The following DOCK9 variants were observed in gnomAD, a reference collection of about 807,000 sequenced individuals.
DOCK9 encodes the protein dedicator of cytokinesis 9, also known as dedicator of cytokinesis protein 9.
Under a neutral mutation model 263.3 loss-of-function variants are expected in DOCK9, and 89 were observed. The ratio of observed to expected loss-of-function variants is 0.34; its 90% confidence interval spans 0.28 to 0.40. The LOEUF is 0.40. Ranked by LOEUF, DOCK9 falls within the 10% of genes least tolerant of loss-of-function variation. DOCK9 has a pLI of 1.00. For missense variants in DOCK9, 2,140 were observed against 2,603.4 expected (o/e 0.82, Z 3.87); for synonymous variants, 976 against 973.1 (o/e 1.00, Z -0.06).
intron 15 of DOCK9, among the ~76,000 whole-genome samples, chr13:98,892,259 A>G (rs1170383139): frequency 6.6e-6 from 1 of 152,174 alleles, no homozygotes; most frequent in Non-Finnish European, 1.5e-5. Flanking sequence ...TGCTGACTCA[A>G]CAATTCCCAC....
chr13:98,871,410 G>T (rs376630901), intron 27 of DOCK9, among the ~76,000 whole-genome samples: 1 of 152,232 alleles, frequency 6.6e-6, no homozygotes, highest in African/African-American at 2.4e-5. Flanking sequence ...GCTGTTCAGT[G>T]ACTAGGCAAT....
In DOCK9 at chr13:98,883,228, A is replaced by ATGTTGTTGT. The variant is rs368231464; in HGVS notation, c.2470-106_2470-98dup. The ATGTTGTTGT allele has an allele frequency of 4.6e-4, 497 of 1,075,142 alleles. 1 individual carries two copies. Among genetic ancestry groups the ATGTTGTTGT allele is most frequent in the South Asian group, 1.7e-3 (107 of 62,164 alleles). The allele number at this position is 1,075,142 out of a possible 1,614,324, so 66.6% of individuals were successfully genotyped here. Reference sequence around the variant, plus strand: ...TTCTTGCAGCATGCTTTTTTGCTGTATGTTGTTGTTGTTGTTGTTGTTGTT... The same window carrying ATGTTGTTGT: ...TTCTTGCAGCATGCTTTTTTGCTGTATGTTGTTGTTGTTGTTGTTGTTGTTGTTGTTGTT... On this transcript the variant is annotated intron_variant, in intron 22 of 52. Transcript: ENST00000682017.
chr13:98,814,774 G>A (rs772310), intron 45 of DOCK9, among the ~76,000 whole-genome samples: 122,136 of 151,518 alleles, frequency 0.81, 49,693 homozygotes, highest in Non-Finnish European at 0.87. Context: ...CCCCATCTCT[G>A]TAAAAAATAC....
chr13:99,023,325 A>G (rs1280282119), intron 1 of DOCK9, among the ~76,000 whole-genome samples: 3 of 152,268 alleles, frequency 2.0e-5, no homozygotes, highest in African/African-American at 7.2e-5. Flanking sequence ...AATTTTACAT[A>G]TGCTACAACG....
chr13:99,008,234 A>ATTTTTTTT lies in DOCK9; in HGVS notation c.130-52691_130-52684dup, dbSNP rs398024127. Reference sequence around the variant, plus strand: ...TCTCTATATATATATATATATATATATTTTTTTTTTTTTTTGAGACGAAGT... The same window carrying ATTTTTTTT: ...TCTCTATATATATATATATATATATATTTTTTTTTTTTTTTTTTTTTTTGAGACGAAGT... On this transcript the variant is annotated intron_variant, in intron 1 of 32. Transcript: ENST00000427887. Among the ~76,000 whole-genome samples, 16 of 94,046 alleles carry ATTTTTTTT rather than the reference A, an allele frequency of 1.7e-4. No individual in the cohort carries two copies. In the South Asian group the frequency reaches 6.1e-3, roughly 36 times the overall value. The allele number at this position is 94,046 out of a possible 152,430, so 61.7% of individuals were successfully genotyped here.
At chr13:98,904,064 A>G (rs766401993) in intron 10 of DOCK9, among the ~76,000 whole-genome samples, 2 of 152,326 alleles carry the variant, frequency 1.3e-5, no homozygotes, top group African/African-American at 2.4e-5. Context: ...TTGTACAACA[A>G]TGAGAATGTA....
At chr13:98,842,663 A>G (rs1270703103) in intron 38 of DOCK9, among the ~76,000 whole-genome samples, 1 of 152,208 alleles carries the variant, frequency 6.6e-6, no homozygotes, top group Non-Finnish European at 1.5e-5. Context: ...ATATACACAT[A>G]TGCATGTTCA....
In DOCK9 at chr13:98,813,172, T is replaced by G. The variant is rs577732130; in HGVS notation, c.5131-2881A>C. Among the ~76,000 whole-genome samples, 210 of 152,324 alleles carry G rather than the reference T, an allele frequency of 1.4e-3. 10 individuals are homozygous for G. The South Asian group carries it at 0.042, about 31-fold the overall frequency. ...TTCCAAGTTCTTCGGGATTTTCTCTTTATAACTATGTCTTATGTGAATATG... is the reference window on the plus strand; with the variant it reads ...TTCCAAGTTCTTCGGGATTTTCTCTGTATAACTATGTCTTATGTGAATATG... On this transcript the variant is annotated intron_variant, in intron 45 of 52. Transcript: ENST00000682017.
intron 1 of DOCK9, among the ~76,000 whole-genome samples, chr13:99,013,417 A>G (rs1884858042): frequency 6.6e-6 from 1 of 152,228 alleles, no homozygotes; most frequent in Admixed American, 6.5e-5. Context: ...ACACCTGGCC[A>G]TGAATCTTGT....
At chr13:99,035,515 T>C (rs1887779777) in intron 1 of DOCK9, among the ~76,000 whole-genome samples, 1 of 152,194 alleles carries the variant, frequency 6.6e-6, no homozygotes, top group Admixed American at 6.5e-5. Context: ...AGTCATGCAC[T>C]TAAATGGGAA....
At chr13:98,814,081 A>C (rs1392877256) in intron 45 of DOCK9, among the ~76,000 whole-genome samples, 2 of 152,244 alleles carry the variant, frequency 1.3e-5, no homozygotes, top group Non-Finnish European at 2.9e-5. Context: ...ATGCCTACAA[A>C]GATTACAGAT....
chr13:99,084,857 A>T (rs777559494), intron 1 of DOCK9, among the ~76,000 whole-genome samples: 1 of 152,252 alleles, frequency 6.6e-6, no homozygotes, highest in Non-Finnish European at 1.5e-5. Flanking sequence ...GGCAAAACTC[A>T]GGAAGATGCA....
chr13:98,992,081 G>A (rs1879941130), intron 1 of DOCK9, among the ~76,000 whole-genome samples: 1 of 151,760 alleles, frequency 6.6e-6, no homozygotes, highest in African/African-American at 2.4e-5. Context: ...ACTGTACAGT[G>A]TGAAGCTACA....
Position 98,829,740 on chromosome 13 carries a change from C to T in DOCK9, c.4652G>A (p.Ser1551Asn). ...RTHLQVIISV[S>N]QLIADVVGIG... ...GCCAACAACGTCTGCTATCAGCTGG[C>T]TGACAGATATGATGACCTTAGGGAC... The change falls in exon 42 of 53, where the codon AGC becomes AAC. Residue 1551 changes from serine (S) to asparagine (N), a missense_variant. This residue lies in a region of DOCK9 where 619 missense variants were observed against 861.8 expected (regional missense o/e 0.72). Transcript: ENST00000682017. The surrounding 1 kb of genome is among the most constrained non-coding windows in gnomAD (Gnocchi z 4.1). The T allele has an allele frequency of 1.9e-6, 3 of 1,607,014 alleles. No individual in the cohort carries two copies. Among genetic ancestry groups the T allele is most frequent in the Non-Finnish European group, 2.5e-6 (3 of 1,176,630 alleles).
At chr13:99,058,771 C>G (rs1366665887) in intron 1 of DOCK9, among the ~76,000 whole-genome samples, 1 of 152,120 alleles carries the variant, frequency 6.6e-6, no homozygotes, top group South Asian at 2.1e-4. Context: ...GGACTCCACC[C>G]CCTAAAGCAC....
chr13:98,799,867 A>T (rs1195288262), intron 50 of DOCK9, among the ~76,000 whole-genome samples: 3 of 152,236 alleles, frequency 2.0e-5, no homozygotes, highest in Admixed American at 1.3e-4. Context: ...TGAATTCATT[A>T]ATCAAAAGAT....
At chr13:98,880,401 GA>G (rs1311642668) in intron 26 of DOCK9, 145 bp downstream of exon 26, 17 of 1,005,640 alleles carry the variant, frequency 1.7e-5, no homozygotes, top group Non-Finnish European at 2.3e-5. Flanking sequence ...GACACAATTA[GA>G]AAAGTTGGTA....
intron 25 of DOCK9, 51 bp from the exon 26 acceptor site, chr13:98,880,723 CT>C: frequency 6.3e-7 from 1 of 1,593,972 alleles, no homozygotes; most frequent in South Asian, 1.1e-5. Context: ...CCAATGTGGG[CT>C]GAAAGCTTGA....
chr13:98,885,262 A>T, intron 20 of DOCK9, 170 bp from the exon 21 acceptor site: 10 of 921,552 alleles, frequency 1.1e-5, no homozygotes, highest in South Asian at 3.6e-5. Flanking sequence ...TCTACAATGT[A>T]CTTAGGCCTT....
Sources: allele counts gnomAD v4.1 joint callset (sites outside exome capture counted in the v4.1 genomes callset), GRCh38; gene constraint gnomAD v4.1.1; regional missense constraint gnomAD v4.1.1; non-coding constraint Gnocchi (gnomAD v3.1); transcripts MANE v1.5; gene names NCBI Gene and HGNC (gene_info 2026-07-23, HGNC 2026-07-21).